GRIN2A: variants seen among roughly 807,000 people sequenced by gnomAD.
GRIN2A encodes glutamate ionotropic receptor NMDA type subunit 2A.
A neutral mutation model predicts 113.4 loss-of-function variants in GRIN2A; 22 were observed. The observed-to-expected ratio is 0.19, with a 90% CI of 0.14 to 0.28. GRIN2A has a LOEUF of 0.28. GRIN2A is among the 10% of genes least tolerant of loss of function. GRIN2A has a pLI of 1.00. For missense variants in GRIN2A, 1,502 were observed against 1,887.0 expected (o/e 0.80, Z 3.78); for synonymous variants, 827 against 738.4 (o/e 1.12, Z -1.94).
At position 9,840,815 on chromosome 16, in the gene GRIN2A, A is replaced by G; in HGVS notation, c.1498-15T>C. 1.6e-6 allele frequency: 1 copy of G among 631,798 alleles called. No individual in the cohort carries two copies. The highest frequency in any genetic ancestry group is 3.2e-5 in the Admixed American group (1 of 30,864). The allele number at this position is 631,798 out of a possible 1,614,324, so 39.1% of individuals were successfully genotyped here. The stretch of plus-strand genomic sequence containing the variant: ...TGATAGACCACCTGGATGCAAGGCA[A>G]AAAAAAAAAAAAAAAAAAGAGAGAG... On this transcript the variant is annotated splice_polypyrimidine_tract_variant and intron_variant, in intron 6 of 12. Coordinates refer to ENST00000330684, the MANE Select transcript of GRIN2A (RefSeq NM_001134407.3).
chr16:9,984,102 T>C (rs1294426541), intron 2 of GRIN2A, among the ~76,000 whole-genome samples: 2 of 152,244 alleles, frequency 1.3e-5, no homozygotes, highest in Admixed American at 1.3e-4. Context: ...GCTGAGATTA[T>C]ATCTCACTGT....
At chr16:9,857,868 T>G (rs1464417846) in intron 4 of GRIN2A, among the ~76,000 whole-genome samples, 1 of 152,254 alleles carries the variant, frequency 6.6e-6, no homozygotes, top group Admixed American at 6.5e-5. Context: ...TTAGTTTAAT[T>G]TAGACACAGT....
At chr16:10,179,893 C>CCCTTCACATCA in intron 2 of GRIN2A, 105 bp downstream of exon 2, 1 of 719,816 alleles carries the variant, frequency 1.4e-6, no homozygotes, top group Admixed American at 2.2e-5. Flanking sequence ...CCCCCACCCC[C>CCCTTCACATCA]ACTTCACATC....
chr16:9,825,532 A>C (rs2042371526), intron 9 of GRIN2A, among the ~76,000 whole-genome samples: 1 of 152,222 alleles, frequency 6.6e-6, no homozygotes, highest in Non-Finnish European at 1.5e-5. Context: ...ATTTCCAGAA[A>C]AATGCAGCAA....
chr16:10,125,999 C>T (rs1458994467), intron 2 of GRIN2A, among the ~76,000 whole-genome samples: 1 of 152,104 alleles, frequency 6.6e-6, no homozygotes, highest in Admixed American at 6.5e-5. Context: ...CCCCAGACTC[C>T]TTCCTGACTC....
intron 2 of GRIN2A, among the ~76,000 whole-genome samples, chr16:10,101,773 G>A (rs1197192562): frequency 1.3e-5 from 2 of 152,208 alleles, no homozygotes; most frequent in African/African-American, 4.8e-5. Flanking sequence ...AAGAGAAAAA[G>A]CATCCCTCAC....
chr16:9,881,509 A>T (rs952631890), intron 4 of GRIN2A, among the ~76,000 whole-genome samples: 3 of 152,212 alleles, frequency 2.0e-5, no homozygotes, highest in African/African-American at 7.2e-5. Context: ...GATTCCATAG[A>T]CTTGAGGCAG....
intron 4 of GRIN2A, among the ~76,000 whole-genome samples, chr16:9,856,440 G>A (rs1333391949): frequency 6.6e-6 from 1 of 151,678 alleles, no homozygotes; most frequent in Admixed American, 6.6e-5. Flanking sequence ...CTAACATGGT[G>A]AAACCCCGTC....
At chr16:9,937,224 G>A (rs946667032) in intron 3 of GRIN2A, among the ~76,000 whole-genome samples, 31 of 151,908 alleles carry the variant, frequency 2.0e-4, no homozygotes, top group African/African-American at 7.0e-4. Context: ...TGTATTGGGG[G>A]TTGGGGCGGG....
chr16:10,112,586 A>G, intron 2 of GRIN2A: 2 of 770,642 alleles, frequency 2.6e-6, no homozygotes, highest in Non-Finnish European at 4.8e-6. Context: ...ACTTCTTCTC[A>G]GACAGGGTGC....
chr16:10,069,893 T>C (rs1455814610), intron 2 of GRIN2A, among the ~76,000 whole-genome samples: 2 of 152,120 alleles, frequency 1.3e-5, no homozygotes, highest in African/African-American at 4.8e-5. Flanking sequence ...TGAGTGCAAT[T>C]ACTAAAGAGA....
At chr16:9,940,390 T>C (rs1463932925) in intron 2 of GRIN2A, among the ~76,000 whole-genome samples, 1 of 152,200 alleles carries the variant, frequency 6.6e-6, no homozygotes, top group African/African-American at 2.4e-5. Flanking sequence ...GTAATAGATT[T>C]AAAGACTTTG....
intron 3 of GRIN2A, among the ~76,000 whole-genome samples, chr16:9,914,581 A>G (rs1250583998): frequency 6.6e-6 from 1 of 152,222 alleles, no homozygotes; most frequent in Non-Finnish European, 1.5e-5. Context: ...TCTTCAACGC[A>G]TACGCATTTG....
intron 2 of GRIN2A, among the ~76,000 whole-genome samples, chr16:10,157,478 G>A (rs1010829067): frequency 2.0e-5 from 3 of 152,136 alleles, no homozygotes; most frequent in African/African-American, 2.4e-5. Context: ...TACCAGAGAC[G>A]GGTAATTTAT....
At chr16:10,127,573 T>C (rs1228957333) in intron 2 of GRIN2A, among the ~76,000 whole-genome samples, 3 of 152,322 alleles carry the variant, frequency 2.0e-5, no homozygotes, top group Non-Finnish European at 4.4e-5. Flanking sequence ...GGTATATTTA[T>C]ATATAAGAAT....
At chr16:9,780,182 C>T (rs900329794) in intron 11 of GRIN2A, among the ~76,000 whole-genome samples, 1 of 152,214 alleles carries the variant, frequency 6.6e-6, no homozygotes, top group Admixed American at 6.5e-5. Context: ...AATTGGTTTA[C>T]ATTTTCAGAA....
intron 2 of GRIN2A, among the ~76,000 whole-genome samples, chr16:10,125,425 A>G (rs189922064): frequency 6.6e-6 from 1 of 152,148 alleles, no homozygotes; most frequent in East Asian, 1.9e-4. Context: ...GAGTAAATAC[A>G]CTAGTGAGTA....
chr16:10,146,345 T>C (rs2049439444), intron 2 of GRIN2A, among the ~76,000 whole-genome samples: 1 of 152,162 alleles, frequency 6.6e-6, no homozygotes, highest in African/African-American at 2.4e-5. Context: ...CTCAAACTCC[T>C]GACCTCAGGT....
rs1410057979 is a variant in GRIN2A at position 9,990,559 on chromosome 16, GCGCGCACACACACACA to G, written c.415-52024_415-52009del. Among the ~76,000 whole-genome samples the G allele has an allele frequency of 3.2e-5, 3 of 94,644 alleles. No homozygotes were observed. In the South Asian group the frequency reaches 1.3e-3, roughly 41 times the overall value. The allele number at this position is 94,644 out of a possible 152,430, so 62.1% of individuals were successfully genotyped here. A position where few individuals can be genotyped will look rare whatever the true frequency, so the allele number is the denominator to read the frequency against. On this transcript the variant is annotated intron_variant, in intron 2 of 12. Transcript: ENST00000330684. The stretch of plus-strand genomic sequence containing the variant: ...TCTCTCTCTACACGCGCGCGCGCGC[GCGCGCACACACACACA>G]CACACACACACACACACACACACGG...
Sources: allele counts gnomAD v4.1 joint callset (sites outside exome capture counted in the v4.1 genomes callset), GRCh38; gene constraint gnomAD v4.1.1; transcripts MANE v1.5; gene names NCBI Gene and HGNC (gene_info 2026-07-23, HGNC 2026-07-21).